Variants in CYP2C18 observed in about 807,000 individuals in gnomAD.
The protein encoded by CYP2C18 is cytochrome P450 2C18.
CYP2C18 carries 38 observed loss-of-function variants against 41.3 expected under a neutral mutation model. That is an observed-to-expected ratio of 0.92 (90% CI 0.71 to 1.21). The LOEUF (loss-of-function observed/expected upper bound fraction) is 1.21. CYP2C18 is among the 50% of genes most tolerant of loss of function. CYP2C18 has a pLI of 0.00. For missense variants in CYP2C18, 635 were observed against 591.4 expected, an observed-to-expected ratio of 1.07 and a Z score of -0.77; for synonymous variants, 236 against 210.0, an observed-to-expected ratio of 1.12 and a Z score of -1.07.
chr10:94,699,575 G>C (rs577150529), intron 4 of CYP2C18, among the ~76,000 whole-genome samples: 1 of 152,280 alleles, frequency 6.6e-6, no homozygotes, highest in East Asian at 1.9e-4. Context: ...CACAAGACAG[G>C]GATGCCCTCT....
In CYP2C18 at chr10:94,706,940, T is replaced by A; in HGVS notation, c.799T>A (p.Phe267Ile). The A allele has an allele frequency of 6.2e-7, 1 of 1,608,590 alleles. No homozygotes were observed. The highest frequency in any genetic ancestry group is 8.5e-7 in the Non-Finnish European group (1 of 1,178,430). The change falls in exon 5 of 9, where the codon TTC becomes ATC. Residue 267 changes from phenylalanine (F) to isoleucine (I), a missense_variant. Phe to Ile is a conservative substitution (Grantham distance 21, BLOSUM62 0). Coordinates refer to ENST00000285979, the MANE Select transcript of CYP2C18 (RefSeq NM_000772.3). ...MNSARDFIDC[F>I]LIKMEQEKHN... ...CAGTGCTCGGGACTTTATTGATTGT[T>A]TCCTGATCAAAATGGAACAGGTAAA...
chr10:94,710,178 A>C (rs1847411689), intron 5 of CYP2C18, among the ~76,000 whole-genome samples: 1 of 152,152 alleles, frequency 6.6e-6, no homozygotes, highest in African/African-American at 2.4e-5. Context: ...GCTATTTTGC[A>C]CAGGCTGGCC....
intron 4 of CYP2C18, among the ~76,000 whole-genome samples, chr10:94,705,636 T>A (rs760979058): frequency 7.9e-5 from 12 of 152,236 alleles, no homozygotes; most frequent in Non-Finnish European, 1.8e-4. Flanking sequence ...GAGTTGATTC[T>A]GACTTTTTTG....
intron 7 of CYP2C18, among the ~76,000 whole-genome samples, chr10:94,727,009 A>G (rs1847753371): frequency 1.3e-5 from 2 of 152,150 alleles, no homozygotes; most frequent in South Asian, 4.1e-4. Context: ...GTACCTATTG[A>G]GCACCGGAAG....
At chr10:94,694,778 A>G (rs1847081175) in intron 3 of CYP2C18, 139 bp from the exon 4 acceptor site, 1 of 891,994 alleles carries the variant, frequency 1.1e-6, no homozygotes. Context: ...AAATTTCAAT[A>G]TGCTGTAGTT....
intron 5 of CYP2C18, among the ~76,000 whole-genome samples, chr10:94,707,377 AT>A (rs1396511924): frequency 6.6e-6 from 1 of 152,102 alleles, no homozygotes; most frequent in Non-Finnish European, 1.5e-5. Flanking sequence ...GGGGCAGTCA[AT>A]TTTTTGGTGT....
chr10:94,703,342 C>T (rs1466264072), intron 4 of CYP2C18, among the ~76,000 whole-genome samples: 1 of 152,210 alleles, frequency 6.6e-6, no homozygotes, highest in Non-Finnish European at 1.5e-5. Context: ...CACAGCCACC[C>T]CTTCCTCCAG....
At chr10:94,730,912 G>T (rs1024669714) in intron 7 of CYP2C18, among the ~76,000 whole-genome samples, 1 of 152,048 alleles carries the variant, frequency 6.6e-6, no homozygotes, top group Non-Finnish European at 1.5e-5. Flanking sequence ...AATCAAGAAC[G>T]CAATCCCATT....
intron 5 of CYP2C18, among the ~76,000 whole-genome samples, chr10:94,715,086 C>G (rs1847515344): frequency 6.6e-6 from 1 of 152,116 alleles, no homozygotes; most frequent in African/African-American, 2.4e-5. Context: ...TGGGCTGAGG[C>G]AATGGGGTTT....
intron 5 of CYP2C18, among the ~76,000 whole-genome samples, chr10:94,713,865 C>G (rs1368598836): frequency 6.6e-6 from 1 of 152,126 alleles, no homozygotes. Context: ...TTTTAATGAT[C>G]GCCATTCTAA....
chr10:94,718,350 T>C (rs552013616), intron 5 of CYP2C18, among the ~76,000 whole-genome samples: 51 of 152,272 alleles, frequency 3.3e-4, no homozygotes, highest in African/African-American at 1.1e-3. Context: ...TTTGGTGATG[T>C]GTTTAAGGTT....
At chr10:94,706,695 A>G (rs1215108551) in intron 4 of CYP2C18, 89 bp from the exon 5 acceptor site, 3 of 705,362 alleles carry the variant, frequency 4.3e-6, no homozygotes, top group Non-Finnish European at 6.9e-6. Context: ...ATTTTTAAAA[A>G]TTCACTCCAG....
At chr10:94,696,481 C>T (rs1232367715) in intron 4 of CYP2C18, among the ~76,000 whole-genome samples, 1 of 152,062 alleles carries the variant, frequency 6.6e-6, no homozygotes, top group African/African-American at 2.4e-5. Flanking sequence ...CCCATCTGTA[C>T]GTCACCATCA....
At chr10:94,720,687 A>T in intron 6 of CYP2C18, 150 bp downstream of exon 6, 1 of 755,340 alleles carries the variant, frequency 1.3e-6, no homozygotes, top group Non-Finnish European at 2.1e-6. Context: ...TGATGAAGGG[A>T]TAAGAATGAG....
intron 5 of CYP2C18, 106 bp downstream of exon 5, chr10:94,707,066 ACC>A: frequency 1.1e-6 from 1 of 874,566 alleles, no homozygotes; most frequent in Non-Finnish European, 1.8e-6. Flanking sequence ...TTATGTACTT[ACC>A]ATGTGTATAG....
intron 4 of CYP2C18, among the ~76,000 whole-genome samples, chr10:94,701,064 T>C (rs1403298611): frequency 6.6e-6 from 1 of 152,226 alleles, no homozygotes; most frequent in East Asian, 1.9e-4. Context: ...AGTGTGATGA[T>C]TCCTCAGTGA....
chr10:94,724,872 A>G (rs1454039447), intron 7 of CYP2C18, among the ~76,000 whole-genome samples: 2 of 151,884 alleles, frequency 1.3e-5, no homozygotes, highest in Admixed American at 6.6e-5. Flanking sequence ...ATGACATTAA[A>G]TCTTTAGATC....
chr10:94,715,737 G>C (rs1002488537), intron 5 of CYP2C18, among the ~76,000 whole-genome samples: 6 of 152,098 alleles, frequency 3.9e-5, no homozygotes, highest in African/African-American at 1.4e-4. Flanking sequence ...CTATTGATTG[G>C]AATAGTTTCA....
intron 4 of CYP2C18, among the ~76,000 whole-genome samples, chr10:94,699,684 A>G (rs1355369824): frequency 2.0e-5 from 3 of 152,086 alleles, no homozygotes; most frequent in Non-Finnish European, 4.4e-5. Flanking sequence ...AGGAAGTAAA[A>G]TTTTCCCTGT....
Sources: gnomAD v4.1 joint callset for allele counts (sites outside exome capture counted in the v4.1 genomes callset) on GRCh38, gnomAD v4.1.1 for gene constraint, MANE v1.5 for transcripts, NCBI Gene and HGNC (gene_info 2026-07-23, HGNC 2026-07-21) for gene names.